TBXAS1: variants seen among roughly 807,000 people sequenced by gnomAD.
TBXAS1 encodes thromboxane-A synthase.
Under a neutral mutation model 60.7 loss-of-function variants are expected in TBXAS1, and 48 were observed. The ratio of observed to expected loss-of-function variants is 0.79; its 90% CI spans 0.63 to 1.01. TBXAS1 has a LOEUF of 1.01. Ranked by LOEUF, TBXAS1 falls within the 50% of genes least tolerant of loss-of-function variation. The pLI, the probability that TBXAS1 is intolerant of heterozygous loss-of-function variation, is 0.00. For missense variants in TBXAS1, 685 were observed against 686.3 expected (o/e 1.00, Z 0.02); for synonymous variants, 287 against 269.7 (o/e 1.06, Z -0.63).
chr7:139,961,429 A>C (rs1420259908), intron 8 of TBXAS1, among the ~76,000 whole-genome samples: 1 of 152,234 alleles, frequency 6.6e-6, no homozygotes, highest in East Asian at 1.9e-4. Flanking sequence ...AAAATGTATA[A>C]AGTAAAAAAT....
At chr7:139,928,777 G>A (rs1441632296) in intron 4 of TBXAS1, among the ~76,000 whole-genome samples, 1 of 152,140 alleles carries the variant, frequency 6.6e-6, no homozygotes, top group African/African-American at 2.4e-5. Flanking sequence ...GTCCCTATGT[G>A]GGGGAAAGAA....
chr7:139,980,837 C>G (rs1811913902), intron 9 of TBXAS1, among the ~76,000 whole-genome samples: 1 of 151,838 alleles, frequency 6.6e-6, no homozygotes, highest in South Asian at 2.1e-4. Context: ...CTAGGCTTCA[C>G]TGTCTGCACC....
chr7:139,940,097 G>A (rs948563600), intron 5 of TBXAS1, among the ~76,000 whole-genome samples: 21 of 152,272 alleles, frequency 1.4e-4, no homozygotes, highest in East Asian at 7.7e-4. Context: ...TGAACTGTAC[G>A]TTAGCAAGCT....
At chr7:139,794,827 C>T (rs1381666360) in intron 4 of TBXAS1, among the ~76,000 whole-genome samples, 2 of 151,142 alleles carry the variant, frequency 1.3e-5, no homozygotes, top group African/African-American at 4.9e-5. Flanking sequence ...ATCCATGTCC[C>T]TACAAAGGAC....
chr7:139,958,370 A>AT (rs569422483), intron 8 of TBXAS1, among the ~76,000 whole-genome samples: 107 of 152,320 alleles, frequency 7.0e-4, no homozygotes, highest in African/African-American at 2.4e-3. Context: ...AATCAAGTAA[A>AT]TATTTGTTGA....
chr7:140,017,741 T>C lies in TBXAS1; in HGVS notation c.1435T>C (p.Cys479Arg), dbSNP rs753016461. ...GCCCTTCGGGGCCGGCCCACGGAGC[T>C]GCCTCGGGGTGCGTCTAGGGCTGCT... ...YLPFGAGPRS[C>R]LGVRLGLLEV... is the part of the protein sequence containing the mutation. Residue 479 changes from cysteine (C) to arginine (R), a missense_variant, in exon 12 of 13, where the codon TGC becomes CGC. By Grantham distance (180) the Cys-to-Arg change is radical. Transcript: ENST00000448866. 1.2e-5 allele frequency: 20 copies of C among 1,613,930 alleles called. No homozygotes were observed. In the South Asian group the frequency reaches 2.0e-4, roughly 16 times the overall value.
chr7:139,970,149 G>A (rs886286494), intron 9 of TBXAS1, among the ~76,000 whole-genome samples: 34 of 152,134 alleles, frequency 2.2e-4, no homozygotes, highest in African/African-American at 7.5e-4. Flanking sequence ...CACTGTCCCC[G>A]AGGCTGGAGT....
At chr7:139,888,143 C>A (rs1380489765) in intron 3 of TBXAS1, among the ~76,000 whole-genome samples, 1 of 152,214 alleles carries the variant, frequency 6.6e-6, no homozygotes, top group Non-Finnish European at 1.5e-5. Flanking sequence ...AATGCTTGCA[C>A]TGCACGATAA....
chr7:139,925,306 A>C (rs1208694449), intron 4 of TBXAS1, among the ~76,000 whole-genome samples: 1 of 151,852 alleles, frequency 6.6e-6, no homozygotes, highest in Non-Finnish European at 1.5e-5. Flanking sequence ...TTTTTTTTGT[A>C]TCTTCAATTT....
chr7:139,815,246 C>G (rs904050464), intron 4 of TBXAS1, among the ~76,000 whole-genome samples: 1 of 152,100 alleles, frequency 6.6e-6, no homozygotes, highest in Non-Finnish European at 1.5e-5. Context: ...AGAGAGAGAG[C>G]GAGACAGACA....
At chr7:139,809,932 C>T (rs1348317998) in intron 4 of TBXAS1, among the ~76,000 whole-genome samples, 1 of 152,136 alleles carries the variant, frequency 6.6e-6, no homozygotes, top group Non-Finnish European at 1.5e-5. Flanking sequence ...ATCAAGGTGA[C>T]ACCTAAAATT....
chr7:139,946,707 C>A (rs1435500070), intron 5 of TBXAS1, among the ~76,000 whole-genome samples: 1 of 152,190 alleles, frequency 6.6e-6, no homozygotes, highest in African/African-American at 2.4e-5. Context: ...GTTTACACCA[C>A]TCCCTGCTTT....
At chr7:139,809,153 G>GTAGATAGATAGATAGATAGA (rs60399618) in intron 4 of TBXAS1, among the ~76,000 whole-genome samples, 43 of 150,134 alleles carry the variant, frequency 2.9e-4, no homozygotes, top group African/African-American at 1.0e-3. Flanking sequence ...TAGGAGATAG[G>GTAGATAGATAGATAGATAGA]TAGATAGATA....
rs937522576 is a variant in TBXAS1 at position 140,004,455 on chromosome 7, A to C, written c.1135-2636A>C. 6.6e-6 allele frequency among the ~76,000 whole-genome samples: 1 copy of C among 152,240 alleles called. No individual in the cohort carries two copies. The highest frequency in any genetic ancestry group is 1.5e-5 in the Non-Finnish European group (1 of 68,036). Reference sequence around the variant, plus strand: ...TTTAAATGTAAATTTCAGAGCGTTTAACTTATATGCAGAACCACTGAAATT... The same window carrying C: ...TTTAAATGTAAATTTCAGAGCGTTTCACTTATATGCAGAACCACTGAAATT... On this transcript the variant is annotated intron_variant, in intron 9 of 12. Coordinates refer to ENST00000448866, the MANE Select transcript of TBXAS1 (RefSeq NM_001061.7). This position sits in a 1 kb window ranked among gnomAD's most constrained non-coding sequence, Gnocchi z 5.1.
In TBXAS1 at chr7:139,967,665, G is replaced by A. The variant is rs553407044; in HGVS notation, c.1134+5432G>A. Among the ~76,000 whole-genome samples, 3 of 152,270 alleles carry A rather than the reference G, an allele frequency of 2.0e-5. No individual in the cohort carries two copies. In the South Asian group the frequency reaches 6.2e-4, roughly 32 times the overall value. On this transcript the variant is annotated intron_variant, in intron 9 of 12. Coordinates refer to ENST00000448866, the MANE Select transcript of TBXAS1 (RefSeq NM_001061.7). ...ACTTGGGTCATGTGCCCCATCCTTG[G>A]AGTTGGTGTCTAGGTGAGGCCTTAC...
intron 1 of TBXAS1, among the ~76,000 whole-genome samples, chr7:139,833,307 A>C (rs1798829846): frequency 6.6e-6 from 1 of 152,198 alleles, no homozygotes; most frequent in South Asian, 2.1e-4. Flanking sequence ...CATTTCATGC[A>C]AATGGACACC....
chr7:139,906,096 C>A, intron 3 of TBXAS1: 1 of 405,182 alleles, frequency 2.5e-6, no homozygotes, highest in Non-Finnish European at 4.8e-6. Flanking sequence ...CACTCTGTCT[C>A]CCAGTCTGTA....
chr7:139,993,457 G>A (rs1465079201), intron 9 of TBXAS1, among the ~76,000 whole-genome samples: 4 of 152,128 alleles, frequency 2.6e-5, no homozygotes, highest in Non-Finnish European at 5.9e-5. Flanking sequence ...GTGAATACAG[G>A]GTATTAAGAA....
intron 4 of TBXAS1, among the ~76,000 whole-genome samples, chr7:139,919,403 T>C (rs936852402): frequency 6.6e-6 from 1 of 152,218 alleles, no homozygotes; most frequent in Non-Finnish European, 1.5e-5. Flanking sequence ...GGTATAACAC[T>C]ATCTCTTGGA....
Sources: gnomAD v4.1 joint callset for allele counts (sites outside exome capture counted in the v4.1 genomes callset) on GRCh38, gnomAD v4.1.1 for gene constraint, Gnocchi (gnomAD v3.1) non-coding constraint, MANE v1.5 for transcripts, NCBI Gene and HGNC (gene_info 2026-07-23, HGNC 2026-07-21) for gene names.